Variants in ATP13A5 observed in about 807,000 individuals in gnomAD.
ATP13A5 encodes the protein ATPase 13A5.
A neutral mutation model predicts 150.2 loss-of-function variants in ATP13A5; 149 were observed. The ratio of observed to expected loss-of-function variants is 0.99; its 90% CI spans 0.87 to 1.14. The LOEUF (loss-of-function observed/expected upper bound fraction) is 1.14, where lower values mean the gene tolerates loss of function less well. Ranked by LOEUF, ATP13A5 falls within the 50% of genes most tolerant of loss-of-function variation. ATP13A5 has a pLI of 0.00. For synonymous variants in ATP13A5, 497 were observed against 522.2 expected (o/e 0.95, Z 0.66); for missense variants, 1,383 against 1,449.3 (o/e 0.95, Z 0.74).
intron 5 of ATP13A5, among the ~76,000 whole-genome samples, chr3:193,358,550 C>T (rs1380105549): frequency 2.6e-5 from 4 of 152,210 alleles, no homozygotes; most frequent in Non-Finnish European, 5.9e-5. Flanking sequence ...TGCTTGTGTA[C>T]TTTAATGAAA....
chr3:193,297,496 T>C (rs935404410), intron 25 of ATP13A5, among the ~76,000 whole-genome samples: 1 of 152,096 alleles, frequency 6.6e-6, no homozygotes, highest in Non-Finnish European at 1.5e-5. Context: ...ATAGCTGGTT[T>C]CTGCCTCTAC....
chr3:193,316,353 C>T (rs1383190909), intron 17 of ATP13A5, among the ~76,000 whole-genome samples: 2 of 152,032 alleles, frequency 1.3e-5, no homozygotes, highest in African/African-American at 4.8e-5. Context: ...ACCATTGGAT[C>T]ACCTGGTGAT....
Position 193,331,813 on chromosome 3 carries a change from C to G in ATP13A5, c.1273-502G>C, listed in dbSNP as rs1244056300. On this transcript the variant is annotated intron_variant, in intron 11 of 29. Transcript: ENST00000342358. ...TTAGGCTACGTATATTATTTAGTTG[C>G]TCTCTATAACAACCTTATGACGTAA... Among the ~76,000 whole-genome samples, 3 of 152,160 alleles carry G rather than the reference C, an allele frequency of 2.0e-5. No homozygotes were observed. In the East Asian group the frequency reaches 5.8e-4, roughly 29 times the overall value.
intron 1 of ATP13A5, among the ~76,000 whole-genome samples, chr3:193,377,105 A>G (rs1375004074): frequency 3.3e-5 from 5 of 152,256 alleles, no homozygotes; most frequent in African/African-American, 1.2e-4. Context: ...TTAAAGTATC[A>G]GGCTATAAAC....
intron 29 of ATP13A5, among the ~76,000 whole-genome samples, chr3:193,275,592 G>A (rs1194112664): frequency 6.6e-6 from 1 of 152,156 alleles, no homozygotes; most frequent in Admixed American, 6.5e-5. Context: ...GACTGAAATG[G>A]TAACAGCAAT....
chr3:193,307,247 G>A, intron 22 of ATP13A5, 80 bp downstream of exon 22: 1 of 1,606,638 alleles, frequency 6.2e-7, no homozygotes, highest in Non-Finnish European at 8.5e-7. Flanking sequence ...AGGATGAAGA[G>A]ACAAACCCCA....
chr3:193,320,083 T>C (rs1167748705), intron 16 of ATP13A5, among the ~76,000 whole-genome samples: 2 of 152,234 alleles, frequency 1.3e-5, no homozygotes, highest in Non-Finnish European at 2.9e-5. Context: ...ATTTATAACG[T>C]ACCTATAAGG....
At chr3:193,294,390 G>A (rs1266309063) in intron 25 of ATP13A5, among the ~76,000 whole-genome samples, 3 of 152,014 alleles carry the variant, frequency 2.0e-5, no homozygotes, top group Non-Finnish European at 4.4e-5. Flanking sequence ...CAGAGATGTG[G>A]CAAAACAAGC....
At chr3:193,346,127 C>G (rs922229372) in intron 7 of ATP13A5, among the ~76,000 whole-genome samples, 1 of 152,058 alleles carries the variant, frequency 6.6e-6, no homozygotes, top group African/African-American at 2.4e-5. Context: ...GAGATTATAA[C>G]AGAATACAAT....
At chr3:193,325,046 T>C (rs1486300579) in intron 13 of ATP13A5, 32 bp from the exon 14 acceptor site, 3 of 1,596,632 alleles carry the variant, frequency 1.9e-6, no homozygotes, top group South Asian at 2.2e-5. Context: ...AAGTCTTTGA[T>C]AAAATCATTT....
intron 1 of ATP13A5, among the ~76,000 whole-genome samples, chr3:193,370,222 G>A (rs1851217): frequency 0.94 from 143,161 of 152,252 alleles, 67,364 homozygotes; most frequent in East Asian, 0.97. Context: ...ATTAGGAATA[G>A]CAGTGAAATA....
At chr3:193,323,763 A>G (rs1301532555) in intron 14 of ATP13A5, 1 of 152,174 alleles carries the variant, frequency 6.6e-6, no homozygotes, top group African/African-American at 2.4e-5. Flanking sequence ...CCTTTTTACC[A>G]GGTTTCCTCT....
At chr3:193,290,598 A>ATC (rs1325396538) in intron 25 of ATP13A5, among the ~76,000 whole-genome samples, 3 of 152,180 alleles carry the variant, frequency 2.0e-5, no homozygotes, top group Non-Finnish European at 4.4e-5. Flanking sequence ...TGCATTAAGT[A>ATC]TCTCTCTGGA....
chr3:193,374,351 G>A (rs1192680185), intron 1 of ATP13A5, among the ~76,000 whole-genome samples: 2 of 147,060 alleles, frequency 1.4e-5, no homozygotes, highest in Non-Finnish European at 3.0e-5. Context: ...TGGGAAATAA[G>A]GTGCATTGTG....
chr3:193,362,306 G>A, intron 5 of ATP13A5, 75 bp downstream of exon 5: 1 of 1,259,128 alleles, frequency 7.9e-7, no homozygotes, highest in Non-Finnish European at 1.2e-6. Flanking sequence ...TGCCAACAAT[G>A]CACTGATGAT....
intron 21 of ATP13A5, among the ~76,000 whole-genome samples, chr3:193,308,512 G>A (rs1312813009): frequency 6.6e-6 from 1 of 152,148 alleles, no homozygotes; most frequent in Non-Finnish European, 1.5e-5. Context: ...ATCCGATACT[G>A]GGCTGTGTAG....
intron 26 of ATP13A5, among the ~76,000 whole-genome samples, chr3:193,289,377 T>C (rs1406224169): frequency 1.3e-5 from 2 of 152,076 alleles, no homozygotes; most frequent in African/African-American, 2.4e-5. Context: ...TAAACAAATC[T>C]CTCTCATATG....
Position 193,321,745 on chromosome 3 carries a change from A to T in ATP13A5, c.1851T>A (p.Asn617Lys). 1 of 1,614,144 alleles carries T rather than the reference A, an allele frequency of 6.2e-7. No individual in the cohort carries two copies. The highest frequency in any genetic ancestry group is 2.2e-5 in the East Asian group (1 of 44,886). Residue 617 changes from asparagine to lysine, a missense_variant, in exon 16 of 30, where the codon AAT (asparagine) becomes AAA (lysine). This residue lies in a region of ATP13A5 where 787 missense variants were observed against 771.9 expected (regional missense o/e 1.02). Coordinates refer to ENST00000342358, the MANE Select transcript of ATP13A5 (RefSeq NM_198505.4). The part of the protein sequence containing the change: ...MSVIAQLAGE[N>K]HFHVYMKGAP... ...CACCTTTCATGTAGACATGGAAATGATTCTCCCCAGCTAGCTGAGCGATCA... is the reference window on the plus strand; with the variant it reads ...CACCTTTCATGTAGACATGGAAATGTTTCTCCCCAGCTAGCTGAGCGATCA...
At chr3:193,352,494 T>G (rs1463735318) in intron 6 of ATP13A5, among the ~76,000 whole-genome samples, 1 of 149,734 alleles carries the variant, frequency 6.7e-6, no homozygotes, top group African/African-American at 2.5e-5. Context: ...TTGTACTTGG[T>G]TTTTTTTTTC....
Sources: allele counts gnomAD v4.1 joint callset (sites outside exome capture counted in the v4.1 genomes callset), GRCh38; gene constraint gnomAD v4.1.1; regional missense constraint gnomAD v4.1.1; transcripts MANE v1.5; gene names NCBI Gene and HGNC (gene_info 2026-07-23, HGNC 2026-07-21).